LRP1B: variants seen among roughly 807,000 people sequenced by gnomAD.
LRP1B encodes low-density lipoprotein receptor-related protein 1B.
In LRP1B, 217 loss-of-function variants were observed where a neutral mutation model predicts 556.6. The ratio of observed to expected loss-of-function variants is 0.39; its 90% CI spans 0.35 to 0.44. LRP1B has a LOEUF of 0.44. LRP1B is among the 20% of genes least tolerant of loss of function. LRP1B has a pLI of 1.00. For missense variants in LRP1B, 5,053 were observed against 5,620.8 expected (o/e 0.90, Z 3.23); for synonymous variants, 2,047 against 1,865.8 (o/e 1.10, Z -2.50).
chr2:141,002,659 C>T (rs190351895), intron 15 of LRP1B, among the ~76,000 whole-genome samples: 2 of 152,068 alleles, frequency 1.3e-5, no homozygotes, highest in Admixed American at 6.6e-5. Context: ...TGTAAGTGTT[C>T]AGTACAGAGG....
chr2:141,481,741 T>C (rs1682925847), intron 2 of LRP1B, among the ~76,000 whole-genome samples: 1 of 152,108 alleles, frequency 6.6e-6, no homozygotes, highest in Admixed American at 6.6e-5. Context: ...GATTCCTGGG[T>C]CCAAATGCTG....
intron 1 of LRP1B, among the ~76,000 whole-genome samples, chr2:141,994,713 T>C (rs1702439999): frequency 6.6e-6 from 1 of 152,148 alleles, no homozygotes; most frequent in African/African-American, 2.4e-5. Flanking sequence ...CAGCAGGACA[T>C]TATAAGCTAG....
intron 66 of LRP1B, among the ~76,000 whole-genome samples, chr2:140,440,584 G>A (rs1452973849): frequency 6.6e-6 from 1 of 152,128 alleles, no homozygotes; most frequent in Non-Finnish European, 1.5e-5. Context: ...AAAAGAGAAG[G>A]GAACAAAGTG....
chr2:140,588,991 T>C (rs1682109268), intron 43 of LRP1B, among the ~76,000 whole-genome samples: 1 of 149,106 alleles, frequency 6.7e-6, no homozygotes, highest in South Asian at 2.1e-4. Context: ...AAGATGGACA[T>C]CCATAGGCAA....
At chr2:140,407,982 G>C (rs1684817613) in intron 66 of LRP1B, among the ~76,000 whole-genome samples, 1 of 151,936 alleles carries the variant, frequency 6.6e-6, no homozygotes, top group South Asian at 2.1e-4. Context: ...TATATACCAT[G>C]GAATACTACT....
intron 56 of LRP1B, among the ~76,000 whole-genome samples, chr2:140,494,932 C>T (rs375271344): frequency 9.4e-4 from 143 of 151,768 alleles, no homozygotes; most frequent in African/African-American, 3.2e-3. Flanking sequence ...ATTTTTTTGC[C>T]CATTTAACAG....
At chr2:140,306,801 T>C (rs1014366949) in intron 83 of LRP1B, among the ~76,000 whole-genome samples, 1 of 152,122 alleles carries the variant, frequency 6.6e-6, no homozygotes, top group Non-Finnish European at 1.5e-5. Context: ...TTTAGTGCTA[T>C]AAATTTCCCT....
At chr2:142,046,108 T>A (rs1430790055) in intron 1 of LRP1B, among the ~76,000 whole-genome samples, 1 of 151,930 alleles carries the variant, frequency 6.6e-6, no homozygotes, top group Non-Finnish European at 1.5e-5. Context: ...CTAAATGACT[T>A]CTTAACCCAG....
At chr2:140,712,307 T>G (rs181755722) in intron 37 of LRP1B, among the ~76,000 whole-genome samples, 254 of 152,168 alleles carry the variant, frequency 1.7e-3, no homozygotes, top group Non-Finnish European at 3.0e-3. Flanking sequence ...ATGTTCAAAA[T>G]TAAATATTTG....
intron 23 of LRP1B, among the ~76,000 whole-genome samples, chr2:140,902,404 A>G (rs147099266): frequency 1.6e-3 from 243 of 152,224 alleles, no homozygotes; most frequent in African/African-American, 5.7e-3. Context: ...CTAGGGTCAC[A>G]TAAAGAATGA....
At chr2:141,940,274 T>G (rs917363965) in intron 1 of LRP1B, among the ~76,000 whole-genome samples, 1 of 152,170 alleles carries the variant, frequency 6.6e-6, no homozygotes. Context: ...GCAATGCCAC[T>G]GTACAAAGGT....
chr2:140,990,920 T>C (rs892016135), intron 16 of LRP1B, among the ~76,000 whole-genome samples: 2 of 152,156 alleles, frequency 1.3e-5, no homozygotes, highest in African/African-American at 4.8e-5. Context: ...TTATCATGCT[T>C]GTTGAGTAGC....
At chr2:140,538,856 C>A (rs1262070087) in intron 45 of LRP1B, among the ~76,000 whole-genome samples, 1 of 151,872 alleles carries the variant, frequency 6.6e-6, no homozygotes, top group Non-Finnish European at 1.5e-5. Flanking sequence ...CATTTTTAAT[C>A]TTTTATAATC....
At chr2:141,755,800 C>T (rs1694298285) in intron 2 of LRP1B, among the ~76,000 whole-genome samples, 1 of 151,838 alleles carries the variant, frequency 6.6e-6, no homozygotes. Flanking sequence ...CCTACTCTAC[C>T]TATAGGGTAG....
chr2:140,487,273 A>G (rs2105365917), intron 58 of LRP1B, among the ~76,000 whole-genome samples: 1 of 152,004 alleles, frequency 6.6e-6, no homozygotes, highest in Middle Eastern at 3.4e-3. Flanking sequence ...AAAGTTTTAG[A>G]CTCAACTTTC....
chr2:140,502,938 T>C (rs4450541), intron 54 of LRP1B, 25 bp downstream of exon 54: 431,018 of 1,605,284 alleles, frequency 0.27, 60,723 homozygotes, highest in African/African-American at 0.33. Flanking sequence ...TTAGAGTAAA[T>C]GCGGTATTGT....
At chr2:141,178,340 T>C (rs1374379398) in intron 7 of LRP1B, among the ~76,000 whole-genome samples, 1 of 152,136 alleles carries the variant, frequency 6.6e-6, no homozygotes, top group African/African-American at 2.4e-5. Flanking sequence ...CAGTAGGTCT[T>C]CACCTTCATT....
chr2:140,510,104 G>C, intron 51 of LRP1B, 48 bp from the exon 52 acceptor site: 1 of 1,593,390 alleles, frequency 6.3e-7, no homozygotes, highest in Non-Finnish European at 8.6e-7. Flanking sequence ...GTGTCCACTG[G>C]AAAATGTCTA....
At chr2:141,650,321 T>C (rs1348217389) in intron 2 of LRP1B, among the ~76,000 whole-genome samples, 1 of 152,188 alleles carries the variant, frequency 6.6e-6, no homozygotes. Context: ...TTTGTGAGTA[T>C]GGTTTTTCTA....
Sources: allele counts gnomAD v4.1 joint callset (sites outside exome capture counted in the v4.1 genomes callset), GRCh38; gene constraint gnomAD v4.1.1; transcripts MANE v1.5; gene names NCBI Gene and HGNC (gene_info 2026-07-23, HGNC 2026-07-21).